Variants in FGGY observed in about 807,000 individuals in gnomAD.
FGGY encodes the protein FGGY carbohydrate kinase domain containing, also known as FGGY carbohydrate kinase domain-containing protein.
Under a neutral mutation model 71.3 loss-of-function variants are expected in FGGY, and 72 were observed. The ratio of observed to expected loss-of-function variants is 1.01; its 90% CI spans 0.84 to 1.23. The LOEUF is 1.23. Among genes scored for constraint, FGGY ranks in the 50% most tolerant of loss-of-function variants. FGGY has a pLI of 0.00. For synonymous variants in FGGY, 251 were observed against 250.3 expected, an observed-to-expected ratio of 1.00 and a Z score of -0.02; for missense variants, 668 against 682.3, an observed-to-expected ratio of 0.98 and a Z score of 0.23.
intron 5 of FGGY, among the ~76,000 whole-genome samples, chr1:59,392,777 C>G (rs1372474081): frequency 6.6e-6 from 1 of 151,944 alleles, no homozygotes; most frequent in Admixed American, 6.6e-5. Flanking sequence ...TGTAAATTAT[C>G]AAGGGCCTTT....
chr1:59,345,659 C>T (rs186648350), intron 3 of FGGY, among the ~76,000 whole-genome samples: 1 of 151,826 alleles, frequency 6.6e-6, no homozygotes, highest in African/African-American at 2.4e-5. Context: ...CCTGTTAGAT[C>T]TGCCTAATTC....
At position 59,638,227 on chromosome 1, in the gene FGGY, G is replaced by C. The variant is rs779782852; in HGVS notation, c.1074-1G>C. 2 of 1,612,044 alleles carry C rather than the reference G, an allele frequency of 1.2e-6. No individual in the cohort carries two copies. Among genetic ancestry groups the C allele is most frequent in the Non-Finnish European group, 8.5e-7 (1 of 1,179,052 alleles). On this transcript the variant is annotated splice_acceptor_variant, in intron 10 of 15. Coordinates refer to ENST00000303721, the MANE Select transcript of FGGY (RefSeq NM_018291.5). LOFTEE classifies it high-confidence loss of function. ...AAAAATAAAATTCACTTCTCTTCCA[G>C]ATGCCAGAGTATATATGCATATTTG... is the stretch of plus-strand genomic sequence containing the variant.
At chr1:59,460,217 G>T (rs1253035453) in intron 6 of FGGY, among the ~76,000 whole-genome samples, 2 of 152,166 alleles carry the variant, frequency 1.3e-5, no homozygotes, top group Admixed American at 6.5e-5. Flanking sequence ...TTTTCCAACA[G>T]TCTTAGCAAA....
intron 7 of FGGY, among the ~76,000 whole-genome samples, chr1:59,513,796 A>G (rs1323259492): frequency 1.3e-5 from 2 of 152,198 alleles, no homozygotes; most frequent in African/African-American, 4.8e-5. Context: ...GGCTTTAAAC[A>G]GTAGAGTGAA....
intron 8 of FGGY, among the ~76,000 whole-genome samples, chr1:59,607,042 T>C (rs1446395082): frequency 6.6e-6 from 1 of 152,150 alleles, no homozygotes; most frequent in Non-Finnish European, 1.5e-5. Flanking sequence ...GTTATTATAG[T>C]CCCCCAAATG....
At chr1:59,345,206 T>C (rs1433434180) in intron 3 of FGGY, among the ~76,000 whole-genome samples, 2 of 152,214 alleles carry the variant, frequency 1.3e-5, no homozygotes, top group Non-Finnish European at 2.9e-5. Context: ...TAGCAAGATA[T>C]GTAGTGCTGC....
At chr1:59,547,006 G>T (rs868549349) in intron 7 of FGGY, among the ~76,000 whole-genome samples, 13 of 132,036 alleles carry the variant, frequency 9.8e-5, no homozygotes, top group Admixed American at 1.7e-4. Context: ...AGGCTTGAAT[G>T]CAGTGGCGCG....
intron 4 of FGGY, among the ~76,000 whole-genome samples, chr1:59,356,987 C>T (rs1485571780): frequency 6.6e-6 from 1 of 152,158 alleles, no homozygotes; most frequent in Non-Finnish European, 1.5e-5. Flanking sequence ...GAAAGACTTT[C>T]TTTAGAATGT....
rs184961482 is a variant in FGGY at position 59,680,007 on chromosome 1, G to A, written c.1512+5874G>A. ...AGGCAAAAAGTGTGCCCAGCATTTAGGGTTCTGATACATAGTAATAATTTA... is the reference window on the plus strand; with the variant it reads ...AGGCAAAAAGTGTGCCCAGCATTTAAGGTTCTGATACATAGTAATAATTTA... On this transcript the variant is annotated intron_variant, in intron 14 of 15. Transcript: ENST00000303721. Among the ~76,000 whole-genome samples, 185 of 152,298 alleles carry A rather than the reference G, an allele frequency of 1.2e-3. 2 individuals are homozygous for A. The highest frequency in any genetic ancestry group is 1.3e-3 in the Non-Finnish European group (87 of 68,010).
chr1:59,617,427 C>T (rs565463854), intron 9 of FGGY, among the ~76,000 whole-genome samples: 1 of 152,240 alleles, frequency 6.6e-6, no homozygotes, highest in East Asian at 1.9e-4. Flanking sequence ...AAATCTTCAT[C>T]TGGTTATCCT....
intron 6 of FGGY, among the ~76,000 whole-genome samples, chr1:59,508,247 G>A (rs676340): frequency 6.6e-6 from 1 of 152,146 alleles, no homozygotes; most frequent in Non-Finnish European, 1.5e-5. Context: ...GGCCCTAAGA[G>A]TCTTAGTTTT....
At chr1:59,734,720 G>T (rs1004793924) in intron 14 of FGGY, among the ~76,000 whole-genome samples, 2 of 152,208 alleles carry the variant, frequency 1.3e-5, no homozygotes, top group Admixed American at 6.5e-5. Flanking sequence ...CAGCCCCTGG[G>T]GGAGGGGATG....
intron 2 of FGGY, 102 bp downstream of exon 2, chr1:59,321,852 A>G: frequency 2.5e-6 from 3 of 1,216,838 alleles, no homozygotes; most frequent in Non-Finnish European, 3.5e-6. Context: ...CTTTAGATGC[A>G]GAGGTAAGCA....
chr1:59,419,095 T>C (rs1341277635), intron 5 of FGGY, among the ~76,000 whole-genome samples: 1 of 152,114 alleles, frequency 6.6e-6, no homozygotes, highest in Non-Finnish European at 1.5e-5. Context: ...TTATAAAGGG[T>C]CCGCAATGCA....
chr1:59,647,172 A>G (rs2097102910), intron 11 of FGGY, among the ~76,000 whole-genome samples: 1 of 152,228 alleles, frequency 6.6e-6, no homozygotes, highest in Admixed American at 6.5e-5. Context: ...GACCAAGGAT[A>G]GAGTCCATTG....
intron 8 of FGGY, among the ~76,000 whole-genome samples, chr1:59,559,024 A>G (rs1269377544): frequency 6.6e-6 from 1 of 152,114 alleles, no homozygotes; most frequent in Non-Finnish European, 1.5e-5. Flanking sequence ...CCCTAAAATC[A>G]CTGTTATTCT....
intron 9 of FGGY, among the ~76,000 whole-genome samples, chr1:59,617,273 A>G (rs1045202246): frequency 1.3e-5 from 2 of 152,046 alleles, no homozygotes; most frequent in East Asian, 3.8e-4. Flanking sequence ...AGAAAAAAAG[A>G]GAAGGAAAAG....
At chr1:59,373,993 G>T (rs1361263334) in intron 4 of FGGY, among the ~76,000 whole-genome samples, 1 of 152,180 alleles carries the variant, frequency 6.6e-6, no homozygotes. Flanking sequence ...ATAGGCATGG[G>T]CAAGGACTTC....
Position 59,435,134 on chromosome 1 carries a change from T to A in FGGY, c.555-21827T>A, listed in dbSNP as rs981285882. ...TTAGCCCAGCACTGTCCAATGTCCT[T>A]TACAAATGACAACTTGTATTTAATC... is the stretch of plus-strand genomic sequence containing the variant. On this transcript the variant is annotated intron_variant, in intron 5 of 15. Coordinates refer to ENST00000303721, the MANE Select transcript of FGGY (RefSeq NM_018291.5). Among the ~76,000 whole-genome samples, 20 of 152,286 alleles carry A rather than the reference T, an allele frequency of 1.3e-4. No homozygotes were observed. In the East Asian group the frequency reaches 3.9e-3, roughly 29 times the overall value.
Sources: gnomAD v4.1 joint callset for allele counts (sites outside exome capture counted in the v4.1 genomes callset) on GRCh38, gnomAD v4.1.1 for gene constraint, MANE v1.5 for transcripts, NCBI Gene and HGNC (gene_info 2026-07-23, HGNC 2026-07-21) for gene names.